The following IGSF3 variants were observed in gnomAD, a reference collection of about 807,000 sequenced individuals.
The protein encoded by IGSF3 is glu-Trp-Ile EWI motif-containing protein 3.
In IGSF3, 23 loss-of-function variants were observed where a neutral mutation model predicts 114.4. That is an observed-to-expected ratio of 0.20 (90% CI 0.14 to 0.28). The LOEUF is 0.28. Among genes scored for constraint, IGSF3 ranks in the 10% least tolerant of loss-of-function variants. IGSF3 has a pLI of 1.00. For missense variants in IGSF3, 1,172 were observed against 1,591.5 expected (o/e 0.74, Z 4.48); for synonymous variants, 571 against 645.2 (o/e 0.88, Z 1.74).
In IGSF3 at chr1:116,607,095, C is replaced by T. The variant is rs921007730; in HGVS notation, c.1222+847G>A. 7.2e-5 allele frequency among the ~76,000 whole-genome samples: 11 copies of T among 152,064 alleles called. No homozygotes were observed. The highest frequency in any genetic ancestry group is 1.2e-4 in the Non-Finnish European group (8 of 68,014). On this transcript the variant is annotated intron_variant, in intron 5 of 10. Transcript: ENST00000369486. This position sits in a 1 kb window ranked among gnomAD's most constrained non-coding sequence, Gnocchi z 6.1. ...CTCAGAGAAAGAATAGTTTGAGCAG[C>T]TGAGACAAGGTTAAAGGTTAGTCTT...
chr1:116,639,866 T>C (rs1648004031), intron 2 of IGSF3, among the ~76,000 whole-genome samples: 1 of 151,704 alleles, frequency 6.6e-6, no homozygotes, highest in Non-Finnish European at 1.5e-5. Context: ...AAACCCCGTC[T>C]CTACTGAAAA....
chr1:116,655,233 C>T lies in IGSF3; in HGVS notation c.43+11051G>A, dbSNP rs1648796447. Among the ~76,000 whole-genome samples the T allele has an allele frequency of 6.6e-6, 1 of 152,184 alleles. No individual in the cohort carries two copies. The highest frequency in any genetic ancestry group is 6.5e-5 in the Admixed American group (1 of 15,282). ...ACTCGGTTATTTGTTGAATGAACTT[C>T]TTGGGAAAGCCTTCTTAGGAAAAGT... On this transcript the variant is annotated intron_variant, in intron 2 of 10. Transcript: ENST00000369486. This position sits in a 1 kb window ranked among gnomAD's most constrained non-coding sequence, Gnocchi z 4.3.
rs999373585 is a variant in IGSF3 at position 116,618,813 on chromosome 1, G to A, written c.44-2356C>T. Among the ~76,000 whole-genome samples the A allele has an allele frequency of 1.3e-5, 2 of 152,158 alleles. No individual in the cohort carries two copies. The highest frequency in any genetic ancestry group is 2.9e-5 in the Non-Finnish European group (2 of 68,028). On this transcript the variant is annotated intron_variant, in intron 2 of 10. Coordinates refer to ENST00000369486, the MANE Select transcript of IGSF3 (RefSeq NM_001007237.3). The surrounding 1 kb of genome is among the most constrained non-coding windows in gnomAD (Gnocchi z 4.7). ...ACATTCATAACATTAGGTATCCTTTGAATTGCGGTGTTCTATGACAGCGCA... is the reference window on the plus strand; with the variant it reads ...ACATTCATAACATTAGGTATCCTTTAAATTGCGGTGTTCTATGACAGCGCA...
Position 116,648,438 on chromosome 1 carries a change from ACT to A in IGSF3, c.43+17844_43+17845del, listed in dbSNP as rs1433534291. ...CTCAAATGCCTTTCCCACGTGTCTA[ACT>A]CTGCTTTGTTTAAAGCACAGTCAGA... On this transcript the variant is annotated intron_variant, in intron 2 of 10. Coordinates refer to ENST00000369486, the MANE Select transcript of IGSF3 (RefSeq NM_001007237.3). The surrounding 1 kb of genome is among the most constrained non-coding windows in gnomAD (Gnocchi z 4.7). 3.3e-5 allele frequency among the ~76,000 whole-genome samples: 5 copies of A among 152,030 alleles called. No homozygotes were observed. The highest frequency in any genetic ancestry group is 1.2e-4 in the African/African-American group (5 of 41,372).
At position 116,627,488 on chromosome 1, in the gene IGSF3, C is replaced by T. The variant is rs915545254; in HGVS notation, c.44-11031G>A. On this transcript the variant is annotated intron_variant, in intron 2 of 10. Coordinates refer to ENST00000369486, the MANE Select transcript of IGSF3 (RefSeq NM_001007237.3). The surrounding 1 kb of genome is among the most constrained non-coding windows in gnomAD (Gnocchi z 4.7). ...TCCACAGCTCCTGCCACACTCAGCA[C>T]TGCCTGCACCTCCTCCTGGAGCTGG... Among the ~76,000 whole-genome samples, 2 of 152,218 alleles carry T rather than the reference C, an allele frequency of 1.3e-5. No individual in the cohort carries two copies. Among genetic ancestry groups the T allele is most frequent in the African/African-American group, 2.4e-5 (1 of 41,454 alleles).
rs1659654780 is a variant in IGSF3 at position 116,582,738 on chromosome 1, C to A, written c.2848+1907G>T. On this transcript the variant is annotated intron_variant, in intron 9 of 10. Coordinates refer to ENST00000369486, the MANE Select transcript of IGSF3 (RefSeq NM_001007237.3). The surrounding 1 kb of genome is among the most constrained non-coding windows in gnomAD (Gnocchi z 4.7). ...AAAAGATCACATAAAACAGTAAGAT[C>A]CTGAGTTTGTTTACAGACAGAGGAA... Among the ~76,000 whole-genome samples, 1 of 152,090 alleles carries A rather than the reference C, an allele frequency of 6.6e-6. No homozygotes were observed.
rs61786578 is a variant in IGSF3, at chr1:116,603,941, G to A, written c.1307C>T (p.Thr436Met). 56 of 1,613,754 alleles carry A rather than the reference G, an allele frequency of 3.5e-5. 1 individual carries two copies. Among genetic ancestry groups the A allele is most frequent in the South Asian group, 6.6e-5 (6 of 91,084 alleles). ...GAAGCGACCCTGCGGCCTGCCTGCC[G>A]TGCGGACACTGCAGGAGAAGCGCAG... ...EDLRFSCSVRTAGRPQGRFSV... is the reference protein window; with the variant it reads ...EDLRFSCSVRMAGRPQGRFSV... Residue 436 changes from threonine to methionine, a missense_variant, in exon 6 of 11, where the codon ACG becomes ATG. This residue lies in a region of IGSF3 where 736 missense variants were observed against 1,042.0 expected (regional missense o/e 0.71). Coordinates refer to ENST00000369486, the MANE Select transcript of IGSF3 (RefSeq NM_001007237.3). This position sits in a 1 kb window ranked among gnomAD's most constrained non-coding sequence, Gnocchi z 7.1.
At chr1:116,597,121 C>T (rs1660375999) in intron 7 of IGSF3, among the ~76,000 whole-genome samples, 1 of 152,184 alleles carries the variant, frequency 6.6e-6, no homozygotes, top group Admixed American at 6.5e-5. Context: ...GATTCAAATC[C>T]CAACTTCCCC....
chr1:116,623,859 G>A (rs1466513363), intron 2 of IGSF3, among the ~76,000 whole-genome samples: 1 of 149,812 alleles, frequency 6.7e-6, no homozygotes, highest in Admixed American at 6.6e-5. Context: ...GGCGAGGCAG[G>A]TGGATCACCT....
In IGSF3 at chr1:116,608,103, T is replaced by C. The variant is rs1398306308; in HGVS notation, c.1061A>G (p.Glu354Gly). 1 of 1,613,850 alleles carries C rather than the reference T, an allele frequency of 6.2e-7. No individual in the cohort carries two copies. The highest frequency in any genetic ancestry group is 8.5e-7 in the Non-Finnish European group (1 of 1,179,876). The change falls in exon 5 of 11, where the codon GAG becomes GGG. Residue 354 changes from glutamate (E) to glycine (G), a missense_variant. This residue lies in a region of IGSF3 where 736 missense variants were observed against 1,042.0 expected (regional missense o/e 0.71). Coordinates refer to ENST00000369486, the MANE Select transcript of IGSF3 (RefSeq NM_001007237.3). ...CTTCAGCACAAAGACACTGTCGCTC[T>C]CTTTGGCCACCTTAAGCTGTCCCCT... ...EARGQLKVAK[E>G]SDSVFVLKIY...
At position 116,616,022 on chromosome 1, in the gene IGSF3, G is replaced by A. The variant is rs61786654; in HGVS notation, c.421+58C>T. 14,116 of 1,470,618 alleles carry A rather than the reference G, an allele frequency of 9.6e-3. 820 individuals carry two copies. The African/African-American group carries it at 0.13, about 14-fold the overall frequency. The allele number at this position is 1,470,618 out of a possible 1,614,324, so 91.1% of individuals were successfully genotyped here. A position where few individuals can be genotyped will look rare whatever the true frequency, so the allele number is the denominator to read the frequency against. ...AATGCATGGCATAAAGCAAAATTACGCTACTAAAGAACTGAGTCAGGCCAG... is the reference window on the plus strand; with the variant it reads ...AATGCATGGCATAAAGCAAAATTACACTACTAAAGAACTGAGTCAGGCCAG... On this transcript the variant is annotated intron_variant, in intron 3 of 10. Coordinates refer to ENST00000369486, the MANE Select transcript of IGSF3 (RefSeq NM_001007237.3). The surrounding 1 kb of genome is among the most constrained non-coding windows in gnomAD (Gnocchi z 6.6).
chr1:116,587,971 T>C (rs534489554), intron 8 of IGSF3, among the ~76,000 whole-genome samples: 2 of 152,344 alleles, frequency 1.3e-5, no homozygotes, highest in South Asian at 2.1e-4. Context: ...AGAAGGGGCA[T>C]ACATTTCATG....
intron 5 of IGSF3, 120 bp from the exon 6 acceptor site, chr1:116,604,145 G>A: frequency 2.1e-6 from 2 of 941,734 alleles, no homozygotes. Context: ...GAGCCTCAGA[G>A]GGTCAAAAAC....
Position 116,579,644 on chromosome 1 carries a change from T to C in IGSF3, c.3082A>G (p.Thr1028Ala), listed in dbSNP as rs761753129. 1.9e-6 allele frequency: 3 copies of C among 1,610,122 alleles called. No homozygotes were observed. The highest frequency in any genetic ancestry group is 1.7e-6 in the Non-Finnish European group (2 of 1,178,364). Reference sequence around the variant, plus strand: ...ACGCTCAGCAGGGCCGTCCGCTCTGTTGGGTCGTCGTCGTCGTCGTCGTCC... The same window carrying C: ...ACGCTCAGCAGGGCCGTCCGCTCTGCTGGGTCGTCGTCGTCGTCGTCGTCC... ...EEDDDDDDDP[T>A]ERTALLSVGP... Residue 1028 changes from threonine to alanine, a missense_variant, in exon 10 of 11, where the codon ACA (threonine) becomes GCA (alanine). By Grantham distance (58) the Thr-to-Ala change is moderately conservative. Around this residue, in one of 3 missense-constraint regions of IGSF3, gnomAD observed 423 missense variants for 509.8 expected, o/e 0.83. Coordinates refer to ENST00000369486, the MANE Select transcript of IGSF3 (RefSeq NM_001007237.3). The surrounding 1 kb of genome is among the most constrained non-coding windows in gnomAD (Gnocchi z 6.4).
chr1:116,657,410 A>G lies in IGSF3; in HGVS notation c.43+8874T>C, dbSNP rs1049494402. ...GACCTTAGAGATTTCAAAATCACCT[A>G]ACAATAACCCCACTTTCCCTAACCA... On this transcript the variant is annotated intron_variant, in intron 2 of 10. Coordinates refer to ENST00000369486, the MANE Select transcript of IGSF3 (RefSeq NM_001007237.3). The surrounding 1 kb of genome is among the most constrained non-coding windows in gnomAD (Gnocchi z 4.2). Among the ~76,000 whole-genome samples the G allele has an allele frequency of 5.9e-5, 9 of 152,214 alleles. No homozygotes were observed. Among genetic ancestry groups the G allele is most frequent in the Non-Finnish European group, 1.3e-4 (9 of 68,038 alleles).
Position 116,616,378 on chromosome 1 carries a change from C to G in IGSF3, c.123G>C (p.Trp41Cys). Residue 41 changes from tryptophan to cysteine, a missense_variant, in exon 3 of 11, where the codon TGG becomes TGC. Around this residue, in one of 3 missense-constraint regions of IGSF3, gnomAD observed 736 missense variants for 1,042.0 expected, o/e 0.71. Coordinates refer to ENST00000369486, the MANE Select transcript of IGSF3 (RefSeq NM_001007237.3). This position sits in a 1 kb window ranked among gnomAD's most constrained non-coding sequence, Gnocchi z 6.6. ...YRTEGSHITI[W>C]CNVSGYQGPS... ...GTCCCTGGTAGCCACTCACATTGCA[C>G]CAGATAGTGATGTGGGAGCCCTCCG... The G allele has an allele frequency of 6.2e-7, 1 of 1,611,612 alleles. No individual in the cohort carries two copies. Among genetic ancestry groups the G allele is most frequent in the South Asian group, 1.1e-5 (1 of 90,980 alleles).
rs1357182415 is a variant in IGSF3 at position 116,594,345 on chromosome 1, G to A, written c.2030-5241C>T. 6.6e-6 allele frequency among the ~76,000 whole-genome samples: 1 copy of A among 152,138 alleles called. No individual in the cohort carries two copies. The highest frequency in any genetic ancestry group is 6.5e-5 in the Admixed American group (1 of 15,270). On this transcript the variant is annotated intron_variant, in intron 7 of 10. Coordinates refer to ENST00000369486, the MANE Select transcript of IGSF3 (RefSeq NM_001007237.3). The surrounding 1 kb of genome is among the most constrained non-coding windows in gnomAD (Gnocchi z 5.2). ...TAGCAAATTTTAAAGATATGATTAG[G>A]AATGTTATATTGTATATGAATTTCA...
rs533159319 is a variant in IGSF3, at chr1:116,603,119, T to C, written c.1624+505A>G. Among the ~76,000 whole-genome samples the C allele has an allele frequency of 6.6e-6, 1 of 152,332 alleles. No homozygotes were observed. Among genetic ancestry groups the C allele is most frequent in the East Asian group, 1.9e-4 (1 of 5,190 alleles). ...AAGTGTTAAGGATCAGGCAGGAACA[T>C]AGTAAATGCTAAATAAATGACAACA... On this transcript the variant is annotated intron_variant, in intron 6 of 10. Coordinates refer to ENST00000369486, the MANE Select transcript of IGSF3 (RefSeq NM_001007237.3). This position sits in a 1 kb window ranked among gnomAD's most constrained non-coding sequence, Gnocchi z 7.1.
intron 2 of IGSF3, among the ~76,000 whole-genome samples, chr1:116,631,080 A>G (rs890962805): frequency 3.3e-5 from 5 of 152,040 alleles, no homozygotes; most frequent in African/African-American, 9.7e-5. Context: ...GCACTTTGGG[A>G]GGCCGAGGCG....
Sources: allele counts gnomAD v4.1 joint callset (sites outside exome capture counted in the v4.1 genomes callset), GRCh38; gene constraint gnomAD v4.1.1; regional missense constraint gnomAD v4.1.1; non-coding constraint Gnocchi (gnomAD v3.1); transcripts MANE v1.5; gene names NCBI Gene and HGNC (gene_info 2026-07-23, HGNC 2026-07-21).